GPR137B: variants seen among roughly 807,000 people sequenced by gnomAD.
GPR137B encodes G protein-coupled receptor 137B, also known as integral membrane protein GPR137B.
A neutral mutation model predicts 42.5 loss-of-function variants in GPR137B; 42 were observed. The observed-to-expected ratio is 0.99, with a 90% CI of 0.77 to 1.28. The LOEUF is 1.28. GPR137B is among the 50% of genes most tolerant of loss of function. The pLI is 0.00. For synonymous variants in GPR137B, 218 were observed against 209.7 expected, an observed-to-expected ratio of 1.04 and a Z score of -0.34; for missense variants, 487 against 493.9, an observed-to-expected ratio of 0.99 and a Z score of 0.13.
chr1:236,174,113 A>G (rs1427518706), intron 2 of GPR137B, among the ~76,000 whole-genome samples: 1 of 152,194 alleles, frequency 6.6e-6, no homozygotes, highest in Non-Finnish European at 1.5e-5. Flanking sequence ...GTTGATGTCT[A>G]TATTGCATTT....
At chr1:236,203,378 T>G (rs775641070) in intron 5 of GPR137B, among the ~76,000 whole-genome samples, 4 of 152,110 alleles carry the variant, frequency 2.6e-5, no homozygotes, top group Non-Finnish European at 4.4e-5. Context: ...TGCCTGGCCC[T>G]ATGTGTCTGT....
At chr1:236,180,375 C>T (rs1438569554) in intron 4 of GPR137B, among the ~76,000 whole-genome samples, 1 of 152,046 alleles carries the variant, frequency 6.6e-6, no homozygotes, top group Non-Finnish European at 1.5e-5. Context: ...GGAGGGCCGA[C>T]TGTTTGCATT....
At chr1:236,205,568 C>T (rs908681773) in intron 6 of GPR137B, among the ~76,000 whole-genome samples, 1 of 152,148 alleles carries the variant, frequency 6.6e-6, no homozygotes, top group African/African-American at 2.4e-5. Flanking sequence ...GAGATAGGGT[C>T]TCACTCTGTT....
chr1:236,186,292 A>T (rs1369634444), intron 5 of GPR137B, among the ~76,000 whole-genome samples: 1 of 96,220 alleles, frequency 1.0e-5, no homozygotes, highest in African/African-American at 4.5e-5. Flanking sequence ...TATAAATAAT[A>T]TATAATATAT....
At chr1:236,160,222 C>A (rs1571969772) in intron 1 of GPR137B, among the ~76,000 whole-genome samples, 1 of 152,356 alleles carries the variant, frequency 6.6e-6, no homozygotes, top group East Asian at 1.9e-4. Flanking sequence ...GTCCTCCCAT[C>A]CTTCTTGCCA....
Position 236,142,588 on chromosome 1 carries a change from G to T in GPR137B, c.-35G>T. 4 of 1,244,386 alleles carry T rather than the reference G, an allele frequency of 3.2e-6. No individual in the cohort carries two copies. Among genetic ancestry groups the T allele is most frequent in the Non-Finnish European group, 4.1e-6 (4 of 983,618 alleles). 77.1% of individuals were successfully genotyped at this position (1,244,386 alleles called of 1,614,324 possible). A position where few individuals can be genotyped will look rare whatever the true frequency, so the allele number is the denominator to read the frequency against. Reference sequence around the variant, plus strand: ...CTGCAGGCTGAGCGCGATGCGCGGAGACCCCCGCGGGGGCGGCGGCGGCCG... The same window carrying T: ...CTGCAGGCTGAGCGCGATGCGCGGATACCCCCGCGGGGGCGGCGGCGGCCG... On this transcript the variant is annotated 5_prime_UTR_variant, in exon 1 of 7. Transcript: ENST00000366592.
At position 236,171,898 on chromosome 1, in the gene GPR137B, G is replaced by A. The variant is rs1662547230; in HGVS notation, c.464+3143G>A. ...CACTAAAAATACAAAAATTAGCCAGGCATGATGGCGCATGCCTGTAATCCC... is the reference window on the plus strand; with the variant it reads ...CACTAAAAATACAAAAATTAGCCAGACATGATGGCGCATGCCTGTAATCCC... On this transcript the variant is annotated intron_variant, in intron 2 of 6. Coordinates refer to ENST00000366592, the MANE Select transcript of GPR137B (RefSeq NM_003272.4). The surrounding 1 kb of genome is among the most constrained non-coding windows in gnomAD (Gnocchi z 4.4). 1.3e-5 allele frequency among the ~76,000 whole-genome samples: 2 copies of A among 152,194 alleles called. No homozygotes were observed. The highest frequency in any genetic ancestry group is 2.9e-5 in the Non-Finnish European group (2 of 68,040).
intron 5 of GPR137B, among the ~76,000 whole-genome samples, chr1:236,193,859 CA>C (rs1475854512): frequency 6.6e-6 from 1 of 152,142 alleles, no homozygotes; most frequent in African/African-American, 2.4e-5. Flanking sequence ...CTTTGAAGCA[CA>C]AAAGCTTTTA....
chr1:236,148,700 A>G (rs1247334420), intron 1 of GPR137B, among the ~76,000 whole-genome samples: 1 of 152,000 alleles, frequency 6.6e-6, no homozygotes, highest in Non-Finnish European at 1.5e-5. Flanking sequence ...ATGGTTCGTG[A>G]GTCATGTGGT....
Position 236,208,073 on chromosome 1 carries a change from G to A in GPR137B, c.1115G>A (p.Trp372Ter). ...AGTTTTGCTCCAGATTACTATGATTGGGGACAACAAACTAACAGCTTCCTG... is the reference window on the plus strand; with the variant it reads ...AGTTTTGCTCCAGATTACTATGATTAGGGACAACAAACTAACAGCTTCCTG... ...QGGFAPDYYD[W>*]GQQTNSFLAQ... The change falls in exon 7 of 7, where the codon TGG (tryptophan) becomes TAG (stop). Residue 372 changes from tryptophan (W) to a stop codon, truncating the protein, a stop_gained. Coordinates refer to ENST00000366592, the MANE Select transcript of GPR137B (RefSeq NM_003272.4). LOFTEE classifies it high-confidence loss of function. 1.2e-6 allele frequency: 2 copies of A among 1,612,414 alleles called. No homozygotes were observed. The highest frequency in any genetic ancestry group is 1.7e-6 in the Non-Finnish European group (2 of 1,178,676).
intron 1 of GPR137B, among the ~76,000 whole-genome samples, chr1:236,162,914 G>A (rs1279719254): frequency 6.6e-6 from 1 of 152,240 alleles, no homozygotes; most frequent in Non-Finnish European, 1.5e-5. Flanking sequence ...CTGGGGCACT[G>A]TCTAGCGGAG....
At chr1:236,175,871 T>C (rs1035385073) in intron 2 of GPR137B, among the ~76,000 whole-genome samples, 8 of 152,174 alleles carry the variant, frequency 5.3e-5, no homozygotes, top group African/African-American at 1.9e-4. Context: ...GAAGGTTGCA[T>C]GCAAATTTCA....
At position 236,155,358 on chromosome 1, in the gene GPR137B, G is replaced by A. The variant is rs1045999651; in HGVS notation, c.414+12322G>A. ...CAGATAGACACTGAGGCCTAGAAAG[G>A]TCGATGGAGCTAACCAGGAACCAAC... On this transcript the variant is annotated intron_variant, in intron 1 of 6. Coordinates refer to ENST00000366592, the MANE Select transcript of GPR137B (RefSeq NM_003272.4). This position sits in a 1 kb window ranked among gnomAD's most constrained non-coding sequence, Gnocchi z 4.6. Among the ~76,000 whole-genome samples, 2 of 152,212 alleles carry A rather than the reference G, an allele frequency of 1.3e-5. No homozygotes were observed. The highest frequency in any genetic ancestry group is 2.9e-5 in the Non-Finnish European group (2 of 68,032).
chr1:236,161,338 C>G (rs1036774442), intron 1 of GPR137B, among the ~76,000 whole-genome samples: 8 of 151,974 alleles, frequency 5.3e-5, no homozygotes, highest in Non-Finnish European at 7.4e-5. Flanking sequence ...CTCCCCAGCT[C>G]CGGGCTCCTG....
chr1:236,181,866 TGTA>T (rs977785020), intron 4 of GPR137B, among the ~76,000 whole-genome samples: 52 of 148,002 alleles, frequency 3.5e-4, no homozygotes, highest in Admixed American at 3.3e-3. Flanking sequence ...GATTTTGTAT[TGTA>T]GTAAAATACA....
At chr1:236,195,914 T>C (rs934757451) in intron 5 of GPR137B, among the ~76,000 whole-genome samples, 5 of 152,216 alleles carry the variant, frequency 3.3e-5, no homozygotes, top group African/African-American at 1.2e-4. Context: ...GAAATGTCTG[T>C]TCAAATCTTT....
Position 236,178,858 on chromosome 1 carries a change from G to C in GPR137B, c.687+222G>C, listed in dbSNP as rs370095080. On this transcript the variant is annotated intron_variant, in intron 3 of 6. Transcript: ENST00000366592. The stretch of plus-strand genomic sequence containing the variant: ...TGTCTCCCAGGCTGGAGTGCAGTGG[G>C]GTGATCTCGGCTCACTGCAAGCTCC... 2.9e-3 allele frequency among the ~76,000 whole-genome samples: 370 copies of C among 126,296 alleles called. 1 individual carries two copies. Among genetic ancestry groups the C allele is most frequent in the South Asian group, 0.017 (63 of 3,632 alleles). The allele number at this position is 126,296 out of a possible 152,430, so 82.9% of individuals were successfully genotyped here. A position where few individuals can be genotyped will look rare whatever the true frequency, so the allele number is the denominator to read the frequency against.
At chr1:236,144,320 TGGGAGGCGGAGCCC>T (rs1392996171) in intron 1 of GPR137B, among the ~76,000 whole-genome samples, 2 of 151,832 alleles carry the variant, frequency 1.3e-5, no homozygotes, top group South Asian at 2.1e-4. Flanking sequence ...GAGGCTGAGG[TGGGAGGCGGAGCCC>T]GGGAGGCGGA....
intron 1 of GPR137B, among the ~76,000 whole-genome samples, chr1:236,161,426 G>A (rs970765864): frequency 6.7e-6 from 1 of 150,012 alleles, no homozygotes; most frequent in Non-Finnish European, 1.5e-5. Flanking sequence ...TGCTTCCCAC[G>A]CCTCCATGCA....
Sources: allele counts gnomAD v4.1 joint callset (sites outside exome capture counted in the v4.1 genomes callset), GRCh38; gene constraint gnomAD v4.1.1; non-coding constraint Gnocchi (gnomAD v3.1); transcripts MANE v1.5; gene names NCBI Gene and HGNC (gene_info 2026-07-23, HGNC 2026-07-21).